Variants in CRTC1 observed in about 807,000 individuals in gnomAD.
CRTC1 encodes the protein CREB regulated transcription coactivator 1.
CRTC1 carries 18 observed loss-of-function variants against 66.1 expected under a neutral mutation model. The observed-to-expected ratio is 0.27, with a 90% CI of 0.19 to 0.40. The LOEUF is 0.40. Ranked by LOEUF, CRTC1 falls within the 10% of genes least tolerant of loss-of-function variation. The pLI, the probability that CRTC1 is intolerant of heterozygous loss-of-function variation, is 1.00. For synonymous variants in CRTC1, 416 were observed against 398.8 expected (o/e 1.04, Z -0.51); for missense variants, 669 against 887.9 (o/e 0.75, Z 3.13).
At chr19:18,705,993 A>G (rs1438223787) in intron 1 of CRTC1, among the ~76,000 whole-genome samples, 1 of 91,916 alleles carries the variant, frequency 1.1e-5, no homozygotes, top group Non-Finnish European at 2.2e-5. Flanking sequence ...AATGCTTTTT[A>G]GTATATTCAT....
chr19:18,774,771 GCAT>G (rs972640632), intron 11 of CRTC1, 126 bp from the exon 12 acceptor site: 36 of 801,314 alleles, frequency 4.5e-5, no homozygotes, highest in African/African-American at 4.1e-4. Flanking sequence ...CCCAAAATAA[GCAT>G]CATCATCAGC....
chr19:18,772,572 C>T (rs1053518964), intron 11 of CRTC1, among the ~76,000 whole-genome samples: 24 of 152,168 alleles, frequency 1.6e-4, no homozygotes, highest in Admixed American at 1.6e-3. Flanking sequence ...GGGCTGAGGT[C>T]GGGCTCCCTT....
In CRTC1 at chr19:18,768,817, G is replaced by T. The variant is rs377279164; in HGVS notation, c.1320+24G>T. 1 of 1,576,656 alleles carries T rather than the reference G, an allele frequency of 6.3e-7. No individual in the cohort carries two copies. Among genetic ancestry groups the T allele is most frequent in the Non-Finnish European group, 8.6e-7 (1 of 1,162,364 alleles). ...CGGTAAGCCCAGGGTGGGGTCCCTC[G>T]GGGCCTGACTGGGGGTCTTGTAGAG... On this transcript the variant is annotated intron_variant, in intron 10 of 13. Coordinates refer to ENST00000321949, the MANE Select transcript of CRTC1 (RefSeq NM_015321.3). This position sits in a 1 kb window ranked among gnomAD's most constrained non-coding sequence, Gnocchi z 5.6.
In CRTC1 at chr19:18,781,608, TG is replaced by T; in HGVS notation, c.*4230del. ...AAGTTGTACCCCCAGGCCTGGGTGC[TG>T]GGGAGTTCCTGAGGGCATGGGTGGG... On this transcript the variant is annotated 3_prime_UTR_variant, in exon 14 of 14. Coordinates refer to ENST00000321949, the MANE Select transcript of CRTC1 (RefSeq NM_015321.3). 1 of 229,512 alleles carries T rather than the reference TG, an allele frequency of 4.4e-6. No individual in the cohort carries two copies. The highest frequency in any genetic ancestry group is 8.6e-6 in the Non-Finnish European group (1 of 115,678). 14.2% of individuals were successfully genotyped at this position (229,512 alleles called of 1,614,324 possible). A position where few individuals can be genotyped will look rare whatever the true frequency, so the allele number is the denominator to read the frequency against.
chr19:18,781,004 G>A lies in CRTC1; in HGVS notation c.*3622G>A, dbSNP rs1399446638. ...CTCCGACCAGGGAGAGGCTGGTGGA[G>A]TAAGGTCCAGCGGTATTCGGGGGTC... is the stretch of plus-strand genomic sequence containing the variant. On this transcript the variant is annotated 3_prime_UTR_variant, in exon 14 of 14. Transcript: ENST00000321949. The A allele has an allele frequency of 4.4e-6, 1 of 225,738 alleles. No individual in the cohort carries two copies. The highest frequency in any genetic ancestry group is 2.2e-5 in the African/African-American group (1 of 44,840). The allele number at this position is 225,738 out of a possible 1,614,324, so 14.0% of individuals were successfully genotyped here.
At chr19:18,728,871 A>G (rs183340007) in intron 1 of CRTC1, among the ~76,000 whole-genome samples, 5,835 of 135,616 alleles carry the variant, frequency 0.043, 174 homozygotes, top group Middle Eastern at 0.095. Context: ...GGAGTGCAGT[A>G]GCACGATCTC....
In CRTC1 at chr19:18,760,989, A is replaced by G. The variant is rs1364383234; in HGVS notation, c.886+761A>G. Among the ~76,000 whole-genome samples, 2 of 132,506 alleles carry G rather than the reference A, an allele frequency of 1.5e-5. No homozygotes were observed. The highest frequency in any genetic ancestry group is 3.2e-5 in the Non-Finnish European group (2 of 62,794). The allele number at this position is 132,506 out of a possible 152,430, so 86.9% of individuals were successfully genotyped here. Reference sequence around the variant, plus strand: ...CCACTTGGGACCTCGCACGGCCCCCAGCTCCCTCTCAGTGAAAGCCTGAGG... The same window carrying G: ...CCACTTGGGACCTCGCACGGCCCCCGGCTCCCTCTCAGTGAAAGCCTGAGG... On this transcript the variant is annotated intron_variant, in intron 8 of 13. Coordinates refer to ENST00000321949, the MANE Select transcript of CRTC1 (RefSeq NM_015321.3). This position sits in a 1 kb window ranked among gnomAD's most constrained non-coding sequence, Gnocchi z 6.2.
intron 5 of CRTC1, among the ~76,000 whole-genome samples, chr19:18,752,453 G>A (rs2054386432): frequency 6.6e-6 from 1 of 152,094 alleles, no homozygotes; most frequent in Non-Finnish European, 1.5e-5. Context: ...CGCATAGCTG[G>A]GACTACAGGT....
At chr19:18,733,296 GT>G (rs2053929394) in intron 1 of CRTC1, among the ~76,000 whole-genome samples, 1 of 152,154 alleles carries the variant, frequency 6.6e-6, no homozygotes, top group Non-Finnish European at 1.5e-5. Flanking sequence ...AGTCTCTTTT[GT>G]GGGGAGGGAG....
chr19:18,704,760 T>A (rs2053223606), intron 1 of CRTC1, among the ~76,000 whole-genome samples: 1 of 152,134 alleles, frequency 6.6e-6, no homozygotes. Flanking sequence ...TAAGTTACTG[T>A]CTTAACCTTA....
intron 1 of CRTC1, among the ~76,000 whole-genome samples, chr19:18,689,173 C>G (rs2145461398): frequency 6.6e-6 from 1 of 152,088 alleles, no homozygotes; most frequent in Middle Eastern, 3.4e-3. Flanking sequence ...TCTCGAACTC[C>G]TGACCTCAAG....
intron 4 of CRTC1, 106 bp downstream of exon 4, chr19:18,747,220 A>C: frequency 1.2e-6 from 1 of 819,162 alleles, no homozygotes; most frequent in Non-Finnish European, 2.0e-6. Context: ...TTAAACAATG[A>C]CCAAACTAAG....
At chr19:18,700,950 G>A (rs2053122009) in intron 1 of CRTC1, among the ~76,000 whole-genome samples, 2 of 152,276 alleles carry the variant, frequency 1.3e-5, no homozygotes, top group Non-Finnish European at 2.9e-5. Context: ...TTCCATCGCT[G>A]CGGGGATCCC....
At chr19:18,728,646 C>T (rs1279446075) in intron 1 of CRTC1, among the ~76,000 whole-genome samples, 4 of 151,808 alleles carry the variant, frequency 2.6e-5, no homozygotes, top group Non-Finnish European at 4.4e-5. Flanking sequence ...GCTGGGATTA[C>T]AGGCATGTGC....
intron 9 of CRTC1, 128 bp downstream of exon 9, chr19:18,765,656 T>C: frequency 1.1e-6 from 1 of 896,780 alleles, no homozygotes; most frequent in Non-Finnish European, 1.6e-6. Context: ...CCAACACTTT[T>C]AGTTTTTATT....
rs369029427 is a variant in CRTC1, at chr19:18,774,594, C to T, written c.1426-306C>T. Among the ~76,000 whole-genome samples the T allele has an allele frequency of 3.9e-4, 59 of 152,316 alleles. No homozygotes were observed. In the East Asian group the frequency reaches 0.011, roughly 28 times the overall value. ...GGCCTGTTGGGTGGGGGTTCCTCAT[C>T]CCTGTGGCCCCCAACTTCCCTGTGA... is the stretch of plus-strand genomic sequence containing the variant. On this transcript the variant is annotated intron_variant, in intron 11 of 13. Transcript: ENST00000321949.
At chr19:18,745,739 A>G in intron 2 of CRTC1, 84 bp from the exon 3 acceptor site, 1 of 1,566,110 alleles carries the variant, frequency 6.4e-7, no homozygotes, top group Non-Finnish European at 8.8e-7. Flanking sequence ...CCCTGCGATC[A>G]GACTCTGGGG....
chr19:18,731,927 C>T (rs887763742), intron 1 of CRTC1, among the ~76,000 whole-genome samples: 4 of 152,226 alleles, frequency 2.6e-5, no homozygotes, highest in Non-Finnish European at 5.9e-5. Flanking sequence ...ACCCTGCACC[C>T]CGGGGGCTCC....
intron 9 of CRTC1, among the ~76,000 whole-genome samples, chr19:18,767,990 G>A (rs1419473984): frequency 6.6e-6 from 1 of 152,186 alleles, no homozygotes; most frequent in African/African-American, 2.4e-5. Context: ...CTCTGCGAAG[G>A]CCTGAGCCAG....
Sources: gnomAD v4.1 joint callset for allele counts (sites outside exome capture counted in the v4.1 genomes callset) on GRCh38, gnomAD v4.1.1 for gene constraint, Gnocchi (gnomAD v3.1) non-coding constraint, MANE v1.5 for transcripts, NCBI Gene and HGNC (gene_info 2026-07-23, HGNC 2026-07-21) for gene names.